ERICH3: variants seen among roughly 807,000 people sequenced by gnomAD.
ERICH3 encodes glutamate-rich protein 3.
ERICH3 carries 126 observed loss-of-function variants against 131.1 expected under a neutral mutation model. That is an observed-to-expected ratio of 0.96 (90% CI 0.83 to 1.11). ERICH3 has a LOEUF of 1.11. Ranked by LOEUF, ERICH3 falls within the 50% of genes most tolerant of loss-of-function variation. The pLI, the probability that ERICH3 is intolerant of heterozygous loss-of-function variation, is 0.00. For missense variants in ERICH3, 2,050 were observed against 1,810.7 expected (o/e 1.13, Z -2.40); for synonymous variants, 695 against 644.6 (o/e 1.08, Z -1.18).
intron 1 of ERICH3, among the ~76,000 whole-genome samples, chr1:74,659,369 G>C (rs186609003): frequency 1.3e-5 from 2 of 152,224 alleles, no homozygotes; most frequent in East Asian, 3.9e-4. Context: ...CACATGCACA[G>C]TTCCAAAACC....
chr1:74,652,512 G>A (rs1435269042), intron 1 of ERICH3, among the ~76,000 whole-genome samples: 5 of 151,568 alleles, frequency 3.3e-5, no homozygotes, highest in African/African-American at 7.3e-5. Flanking sequence ...TTTCCTCTGC[G>A]TTCAGTGCTA....
intron 8 of ERICH3, among the ~76,000 whole-genome samples, chr1:74,617,981 G>T (rs1439631191): frequency 6.6e-6 from 1 of 152,126 alleles, no homozygotes. Context: ...GATTGCTGGA[G>T]TCCAGGAGTT....
chr1:74,571,664 G>A lies in ERICH3; in HGVS notation c.4046C>T (p.Thr1349Met). The stretch of plus-strand genomic sequence containing the variant: ...CCTCTCCTCTGCGGCTGTTTCTGCC[G>A]TTTCACCACCTCCGTGTAGAACTTC... ...AVEVLHGGGE[T>M]AETAAEEREV... is the part of the protein sequence containing the mutation. Residue 1349 changes from threonine (T) to methionine (M), a missense_variant, in exon 14 of 15, where the codon ACG becomes ATG. Thr to Met is a moderately conservative substitution (Grantham distance 81). Coordinates refer to ENST00000326665, the MANE Select transcript of ERICH3 (RefSeq NM_001002912.5). 1.2e-6 allele frequency: 2 copies of A among 1,614,032 alleles called. No individual in the cohort carries two copies. Among genetic ancestry groups the A allele is most frequent in the Non-Finnish European group, 1.7e-6 (2 of 1,180,004 alleles).
intron 1 of ERICH3, among the ~76,000 whole-genome samples, chr1:74,665,099 A>C (rs996359133): frequency 1.3e-5 from 2 of 152,032 alleles, no homozygotes; most frequent in Admixed American, 1.3e-4. Context: ...TCATGAATGG[A>C]ATTAGTGTCT....
intron 9 of ERICH3, among the ~76,000 whole-genome samples, chr1:74,609,476 C>G (rs1234717452): frequency 2.0e-5 from 3 of 151,952 alleles, no homozygotes; most frequent in Admixed American, 6.6e-5. Flanking sequence ...GCCAAGGTTA[C>G]AGAAGGTAAT....
At chr1:74,579,735 T>C (rs1420276747) in intron 12 of ERICH3, 3 of 985,104 alleles carry the variant, frequency 3.0e-6, no homozygotes, top group Non-Finnish European at 3.6e-6. Context: ...GAGACTCCCA[T>C]TTCAGCAATG....
At chr1:74,644,605 CT>C (rs988001126) in intron 3 of ERICH3, among the ~76,000 whole-genome samples, 1 of 151,996 alleles carries the variant, frequency 6.6e-6, no homozygotes, top group African/African-American at 2.4e-5. Context: ...CTTCTGAGCT[CT>C]TTCTTCTCCC....
intron 10 of ERICH3, among the ~76,000 whole-genome samples, chr1:74,603,120 G>A (rs572877259): frequency 1.3e-5 from 2 of 151,960 alleles, no homozygotes; most frequent in East Asian, 3.9e-4. Context: ...CCCGAAGCCA[G>A]CCCTTCCACA....
At chr1:74,666,303 A>G (rs1197394750) in intron 1 of ERICH3, among the ~76,000 whole-genome samples, 2 of 152,218 alleles carry the variant, frequency 1.3e-5, no homozygotes, top group Non-Finnish European at 2.9e-5. Flanking sequence ...AGAAATTATT[A>G]AAGAATCCAG....
At chr1:74,574,882 G>A (rs1043989978) in intron 13 of ERICH3, among the ~76,000 whole-genome samples, 2 of 151,610 alleles carry the variant, frequency 1.3e-5, no homozygotes, top group Admixed American at 6.6e-5. Context: ...GCTTTGAAAA[G>A]GTTCATCTTA....
intron 1 of ERICH3, among the ~76,000 whole-genome samples, chr1:74,658,749 T>C (rs1646610865): frequency 6.6e-6 from 1 of 152,158 alleles, no homozygotes; most frequent in Non-Finnish European, 1.5e-5. Context: ...CAGTGTGTTG[T>C]TCACTTACCC....
At chr1:74,651,209 A>C (rs551366836) in intron 1 of ERICH3, among the ~76,000 whole-genome samples, 16 of 152,116 alleles carry the variant, frequency 1.1e-4, no homozygotes, top group Non-Finnish European at 2.1e-4. Flanking sequence ...TGACTCCTTC[A>C]TGCCTCTTTT....
Position 74,620,834 on chromosome 1 carries a change from T to C in ERICH3, c.900A>G (p.Leu300=). 2 of 1,613,150 alleles carry C rather than the reference T, an allele frequency of 1.2e-6. No individual in the cohort carries two copies. The highest frequency in any genetic ancestry group is 1.7e-5 in the Admixed American group (1 of 59,926). ...TMIYLGKNVH[L]SSDNPDFRDE... ...CCCGGAAGTCAGGATTATCAGAAGATAGGTGCACATTTTTCCCCAAATAGA... is the reference window on the plus strand; with the variant it reads ...CCCGGAAGTCAGGATTATCAGAAGACAGGTGCACATTTTTCCCCAAATAGA... Residue 300 remains leucine, a synonymous_variant, in exon 8 of 15, where the codon CTA becomes CTG. Transcript: ENST00000326665.
chr1:74,632,057 A>G (rs79250218), intron 6 of ERICH3, 129 bp from the exon 7 acceptor site: 12 of 773,018 alleles, frequency 1.6e-5, no homozygotes, highest in Non-Finnish European at 2.3e-5. Flanking sequence ...AGACAAACTC[A>G]AAACACTCCA....
intron 11 of ERICH3, among the ~76,000 whole-genome samples, chr1:74,594,519 C>T (rs557491719): frequency 6.6e-6 from 1 of 152,042 alleles, no homozygotes; most frequent in Non-Finnish European, 1.5e-5. Context: ...AAATACATAT[C>T]GAGAACTTCC....
In ERICH3 at chr1:74,573,357, C is replaced by A. The variant is rs141664946; in HGVS notation, c.2353G>T (p.Asp785Tyr). 1.1e-5 allele frequency: 18 copies of A among 1,611,718 alleles called. No homozygotes were observed. In the African/African-American group the frequency reaches 2.3e-4, roughly 20 times the overall value. The change falls in exon 14 of 15, where the codon GAT becomes TAT. Residue 785 changes from aspartate (D) to tyrosine (Y), a missense_variant. Coordinates refer to ENST00000326665, the MANE Select transcript of ERICH3 (RefSeq NM_001002912.5). ...CCTTTTCCCTGTACTATGTCAGCATCTCTGTGCTGGGGCGCTTCATCTTCC... is the reference window on the plus strand; with the variant it reads ...CCTTTTCCCTGTACTATGTCAGCATATCTGTGCTGGGGCGCTTCATCTTCC... ...MEEDEAPQHR[D>Y]ADIVQGKGEA...
intron 8 of ERICH3, 111 bp from the exon 9 acceptor site, chr1:74,612,920 G>T: frequency 1.1e-6 from 1 of 938,110 alleles, no homozygotes; most frequent in Non-Finnish European, 1.5e-6. Context: ...GATCAGGGGT[G>T]TCCAATCTTT....
intron 8 of ERICH3, among the ~76,000 whole-genome samples, chr1:74,613,759 AT>A (rs1470167088): frequency 1.3e-5 from 2 of 152,252 alleles, no homozygotes; most frequent in African/African-American, 4.8e-5. Flanking sequence ...CTGCCACCCT[AT>A]CCCCACAGAC....
At chr1:74,607,008 C>T in intron 9 of ERICH3, 106 bp from the exon 10 acceptor site, 2 of 1,088,710 alleles carry the variant, frequency 1.8e-6, no homozygotes, top group Non-Finnish European at 2.6e-6. Flanking sequence ...AAAAAAGACA[C>T]AAAAATGTTT....
Sources: gnomAD v4.1 joint callset for allele counts (sites outside exome capture counted in the v4.1 genomes callset) on GRCh38, gnomAD v4.1.1 for gene constraint, MANE v1.5 for transcripts, NCBI Gene and HGNC (gene_info 2026-07-23, HGNC 2026-07-21) for gene names.